Variants in LRP4 observed in about 807,000 individuals in gnomAD.
LRP4 encodes low-density lipoprotein receptor-related protein 4.
LRP4 carries 95 observed loss-of-function variants against 220.3 expected under a neutral mutation model. The ratio of observed to expected loss-of-function variants is 0.43; its 90% CI spans 0.37 to 0.51. The LOEUF (loss-of-function observed/expected upper bound fraction) is 0.51. Among genes scored for constraint, LRP4 ranks in the 20% least tolerant of loss-of-function variants. LRP4 has a pLI of 0.00. For missense variants in LRP4, 1,925 were observed against 2,567.0 expected, an observed-to-expected ratio of 0.75 and a Z score of 5.40; for synonymous variants, 903 against 954.6, an observed-to-expected ratio of 0.95 and a Z score of 1.00.
rs779705585 is a variant in LRP4, at chr11:46,899,050, G to C, written c.548-18C>G. On this transcript the variant is annotated intron_variant, in intron 5 of 37. Transcript: ENST00000378623. This position sits in a 1 kb window ranked among gnomAD's most constrained non-coding sequence, Gnocchi z 5.9. The stretch of plus-strand genomic sequence containing the variant: ...TGCTGAGGCTGGAGGGAAGGCAGGG[G>C]TGGGGAGGGGCACACACTCAGGCCT... 8 of 1,607,424 alleles carry C rather than the reference G, an allele frequency of 5.0e-6. No homozygotes were observed. In the Admixed American group the frequency reaches 1.3e-4, roughly 27 times the overall value.
chr11:46,873,494 G>A lies in LRP4; in HGVS notation c.4329C>T (p.Tyr1443=), dbSNP rs532917337. The part of the protein sequence containing the change: ...LAVDWVARNL[Y]WTDTGRNTIE... ...TGGTATTTCGACCTGTGTCTGTCCA[G>A]TACAGGTTCCTGGCCACCCAGTCCA... is the stretch of plus-strand genomic sequence containing the variant. Residue 1443 remains tyrosine, a synonymous_variant, in exon 29 of 38, where the codon TAC becomes TAT. Coordinates refer to ENST00000378623, the MANE Select transcript of LRP4 (RefSeq NM_002334.4). This position sits in a 1 kb window ranked among gnomAD's most constrained non-coding sequence, Gnocchi z 4.2. The A allele has an allele frequency of 1.9e-6, 3 of 1,614,194 alleles. No individual in the cohort carries two copies. Among genetic ancestry groups the A allele is most frequent in the East Asian group, 2.2e-5 (1 of 44,892 alleles).
In LRP4 at chr11:46,918,184, C is replaced by T; in HGVS notation, c.52+144G>A. On this transcript the variant is annotated intron_variant, in intron 1 of 37. Transcript: ENST00000378623. This position sits in a 1 kb window ranked among gnomAD's most constrained non-coding sequence, Gnocchi z 6.0. ...GCTGGAGCCGGGGCCGCTCCGGGTC[C>T]TCTCCCCTGCACGCAGCCCCAGGGC... The T allele has an allele frequency of 1.2e-6, 1 of 840,140 alleles. No homozygotes were observed. Among genetic ancestry groups the T allele is most frequent in the Non-Finnish European group, 1.7e-6 (1 of 571,474 alleles). The allele number at this position is 840,140 out of a possible 1,614,324, so 52.0% of individuals were successfully genotyped here. A position where few individuals can be genotyped will look rare whatever the true frequency, so the allele number is the denominator to read the frequency against.
chr11:46,888,548 CAAAAAAAAA>C (rs71042635), intron 16 of LRP4, among the ~76,000 whole-genome samples: 22 of 31,304 alleles, frequency 7.0e-4, no homozygotes, highest in African/African-American at 8.0e-4. Flanking sequence ...AAAACTGTCT[CAAAAAAAAA>C]AAAAAAAAAA....
intron 6 of LRP4, 100 bp from the exon 7 acceptor site, chr11:46,898,777 C>T (rs1022842978): frequency 1.2e-6 from 2 of 1,603,626 alleles, no homozygotes; most frequent in Non-Finnish European, 1.7e-6. Context: ...CCATCTCTTC[C>T]CAAGAGGGAC....
chr11:46,888,046 G>T (rs1003240748), intron 16 of LRP4, among the ~76,000 whole-genome samples: 1 of 93,706 alleles, frequency 1.1e-5, no homozygotes, highest in African/African-American at 3.5e-5. Context: ...AAAAAAGGCC[G>T]GGGGCGGTGG....
intron 1 of LRP4, among the ~76,000 whole-genome samples, chr11:46,916,967 C>T (rs186727411): frequency 2.1e-4 from 32 of 152,258 alleles, no homozygotes; most frequent in Admixed American, 2.0e-3. Context: ...CAGAGCGGAG[C>T]GGAACGTGGG....
In LRP4 at chr11:46,902,790, A is replaced by G. The variant is rs747813561; in HGVS notation, c.192T>C (p.Asp64=). The G allele has an allele frequency of 1.9e-6, 3 of 1,613,874 alleles. No individual in the cohort carries two copies. The South Asian group carries it at 3.3e-5, about 18-fold the overall frequency. The change falls in exon 2 of 38, where the codon GAT becomes GAC. Residue 64 remains aspartate, a synonymous_variant. Transcript: ENST00000378623. The part of the protein sequence containing the change: ...DNDCGDHSDE[D]GCILPTCSPL... Reference sequence around the variant, plus strand: ...CTCTGGGGAGGTACTTACTACATCCATCCTCATCGCTGTGGTCCCCGCAGT... The same window carrying G: ...CTCTGGGGAGGTACTTACTACATCCGTCCTCATCGCTGTGGTCCCCGCAGT...
intron 32 of LRP4, 24 bp downstream of exon 32, chr11:46,868,964 C>T (rs201214979): frequency 7.4e-6 from 12 of 1,614,100 alleles, no homozygotes; most frequent in Non-Finnish European, 1.0e-5. Flanking sequence ...GTTAAGGAAG[C>T]AGGCTCAGTA....
chr11:46,908,669 TCAAA>T (rs1190268621), intron 1 of LRP4, among the ~76,000 whole-genome samples: 1 of 152,208 alleles, frequency 6.6e-6, no homozygotes, highest in Non-Finnish European at 1.5e-5. Context: ...TTTATGGGTC[TCAAA>T]CAGTGACCTC....
rs757748871 is a variant in LRP4, at chr11:46,895,957, C to A, written c.1110G>T (p.Gln370His). The change falls in exon 10 of 38, where the codon CAG becomes CAT. Residue 370 changes from glutamine to histidine, a missense_variant. Physicochemically the swap from Gln to His is conservative, Grantham distance 24. Transcript: ENST00000378623. Reference sequence around the variant, plus strand: ...TACACTGCACTGCCCCCCGCACCATCTGGCACTTCTGGGCACAGCCACCGT... The same window carrying A: ...TACACTGCACTGCCCCCCGCACCATATGGCACTTCTGGGCACAGCCACCGT... ...VNNGGCAQKC[Q>H]MVRGAVQCTC... 1.5e-5 allele frequency: 24 copies of A among 1,614,018 alleles called. No homozygotes were observed. Among genetic ancestry groups the A allele is most frequent in the South Asian group, 2.2e-5 (2 of 91,084 alleles).
chr11:46,886,619 G>A (rs963694092), intron 16 of LRP4, 86 bp from the exon 17 acceptor site: 47 of 1,141,178 alleles, frequency 4.1e-5, no homozygotes, highest in Admixed American at 9.4e-5. Flanking sequence ...CGTGACATCT[G>A]GTTCAATCAC....
chr11:46,897,518 C>A (rs1285347134), intron 7 of LRP4, among the ~76,000 whole-genome samples: 1 of 150,050 alleles, frequency 6.7e-6, no homozygotes, highest in Admixed American at 6.6e-5. Context: ...GAGGACCCTG[C>A]GGCCTTCCGC....
At chr11:46,876,413 C>A in intron 25 of LRP4, 53 bp downstream of exon 25, 1 of 1,608,244 alleles carries the variant, frequency 6.2e-7, no homozygotes, top group Admixed American at 1.7e-5. Context: ...CCCGTCATAA[C>A]CCCAGCTGAG....
At position 46,876,558 on chromosome 11, in the gene LRP4, A is replaced by C; in HGVS notation, c.3444T>G (p.Ile1148Met). 1 of 1,614,174 alleles carries C rather than the reference A, an allele frequency of 6.2e-7. No individual in the cohort carries two copies. The highest frequency in any genetic ancestry group is 1.1e-5 in the South Asian group (1 of 91,080). The change falls in exon 25 of 38, where the codon ATT becomes ATG. Residue 1148 changes from isoleucine to methionine, a missense_variant. Around this residue, in one of 3 missense-constraint regions of LRP4, gnomAD observed 1,244 missense variants for 1,624.9 expected, o/e 0.77. Transcript: ENST00000378623. Reference sequence around the variant, plus strand: ...TGGACCCGTCCAGGTTGCCCACTTCAATCCGGTTTGTTCCCGTGTCTGTCC... The same window carrying C: ...TGGACCCGTCCAGGTTGCCCACTTCCATCCGGTTTGTTCCCGTGTCTGTCC... The part of the protein sequence containing the change: ...VYWTDTGTNR[I>M]EVGNLDGSMR...
At chr11:46,876,707 C>T in intron 24 of LRP4, 37 bp downstream of exon 24, 1 of 1,613,448 alleles carries the variant, frequency 6.2e-7, no homozygotes, top group Non-Finnish European at 8.5e-7. Context: ...AGCCCTGTTG[C>T]CAGACAGGTG....
At chr11:46,863,076 A>G in intron 36 of LRP4, 1 of 354,424 alleles carries the variant, frequency 2.8e-6, no homozygotes, top group East Asian at 6.4e-5. Flanking sequence ...GGAGAGGCCC[A>G]CAAGGCAAGA....
intron 37 of LRP4, among the ~76,000 whole-genome samples, chr11:46,861,835 G>A (rs1447448224): frequency 3.3e-5 from 5 of 152,092 alleles, no homozygotes; most frequent in Admixed American, 6.5e-5. Context: ...TTGGGAGGCC[G>A]AGGCAGGTGG....
At position 46,875,739 on chromosome 11, in the gene LRP4, AGATCCTAG is replaced by A; in HGVS notation, c.3699+57_3700-59del. On this transcript the variant is annotated intron_variant, in intron 26 of 37. Coordinates refer to ENST00000378623, the MANE Select transcript of LRP4 (RefSeq NM_002334.4). The surrounding 1 kb of genome is among the most constrained non-coding windows in gnomAD (Gnocchi z 4.5). ...TCAGCAGATTGGGAACTCTCCATGG[AGATCCTAG>A]GCAGGCCTTTCCCATCTTCCCAGGC... 1 of 1,612,786 alleles carries A rather than the reference AGATCCTAG, an allele frequency of 6.2e-7. No homozygotes were observed. Among genetic ancestry groups the A allele is most frequent in the Non-Finnish European group, 8.5e-7 (1 of 1,178,970 alleles).
Position 46,883,905 on chromosome 11 carries a change from G to A in LRP4, c.2578C>T (p.Arg860Cys), listed in dbSNP as rs1442722011. 6 of 1,614,066 alleles carry A rather than the reference G, an allele frequency of 3.7e-6. No homozygotes were observed. Among genetic ancestry groups the A allele is most frequent in the African/African-American group, 1.3e-5 (1 of 74,922 alleles). Residue 860 changes from arginine to cysteine, a missense_variant, in exon 19 of 38, where the codon CGT becomes TGT. By Grantham distance (180) the Arg-to-Cys change is radical. Transcript: ENST00000378623. Reference sequence around the variant, plus strand: ...GGTTCCACCACGATGTCCCGAGGACGATCAAGGTTCTCCCAGATGAGTACT... The same window carrying A: ...GGTTCCACCACGATGTCCCGAGGACAATCAAGGTTCTCCCAGATGAGTACT... ...RTVLIWENLD[R>C]PRDIVVEPMG...
Sources: allele counts gnomAD v4.1 joint callset (sites outside exome capture counted in the v4.1 genomes callset), GRCh38; gene constraint gnomAD v4.1.1; regional missense constraint gnomAD v4.1.1; non-coding constraint Gnocchi (gnomAD v3.1); transcripts MANE v1.5; gene names NCBI Gene and HGNC (gene_info 2026-07-23, HGNC 2026-07-21).